The following MSRA variants were observed in gnomAD, a reference collection of about 807,000 sequenced individuals.
MSRA encodes the protein mitochondrial peptide methionine sulfoxide reductase.
Under a neutral mutation model 31.3 loss-of-function variants are expected in MSRA, and 54 were observed. That is an observed-to-expected ratio of 1.73 (90% confidence interval 1.39 to 2.17). The LOEUF is 2.17. Among genes scored for constraint, MSRA ranks in the 30% most tolerant of loss-of-function variants. MSRA has a pLI of 0.00. For missense variants in MSRA, 507 were observed against 300.9 expected (o/e 1.69, Z -5.07); for synonymous variants, 169 against 116.5 (o/e 1.45, Z -2.90).
chr8:10,077,061 A>AAC (rs59336109), intron 1 of MSRA, among the ~76,000 whole-genome samples: 1 of 151,302 alleles, frequency 6.6e-6, no homozygotes, highest in African/African-American at 2.4e-5. Context: ...AAAAAAAAAA[A>AAC]GAGCAGAGGA....
At chr8:10,106,891 C>T (rs933390721) in intron 1 of MSRA, among the ~76,000 whole-genome samples, 3 of 151,906 alleles carry the variant, frequency 2.0e-5, no homozygotes, top group African/African-American at 4.8e-5. Flanking sequence ...TCCCTCCACC[C>T]GCCTACCCCT....
chr8:10,116,748 A>C (rs1255555631), intron 1 of MSRA, among the ~76,000 whole-genome samples: 1 of 152,064 alleles, frequency 6.6e-6, no homozygotes, highest in African/African-American at 2.4e-5. Context: ...CAGGCGGATC[A>C]CCTGAGGTTG....
chr8:10,262,197 G>A (rs1798519781), intron 3 of MSRA, among the ~76,000 whole-genome samples: 1 of 152,202 alleles, frequency 6.6e-6, no homozygotes, highest in South Asian at 2.1e-4. Flanking sequence ...TTTGTGTACA[G>A]GTTTTTATGT....
At chr8:10,076,027 C>T (rs1585095381) in intron 1 of MSRA, among the ~76,000 whole-genome samples, 1 of 152,222 alleles carries the variant, frequency 6.6e-6, no homozygotes. Context: ...GGCATGTTGG[C>T]TTGGTGGAAA....
intron 5 of MSRA, among the ~76,000 whole-genome samples, chr8:10,377,332 G>A (rs368023537): frequency 5.3e-5 from 8 of 152,250 alleles, no homozygotes; most frequent in East Asian, 3.8e-4. Flanking sequence ...ATCTACGTGG[G>A]ACTTCTGATT....
At chr8:10,055,627 C>T (rs570387913) in intron 1 of MSRA, among the ~76,000 whole-genome samples, 72 of 152,364 alleles carry the variant, frequency 4.7e-4, no homozygotes, top group African/African-American at 1.6e-3. Flanking sequence ...GCTTGTAAAC[C>T]ACTGCCTTAG....
intron 1 of MSRA, among the ~76,000 whole-genome samples, chr8:10,167,988 A>G (rs1053498648): frequency 6.6e-6 from 1 of 152,158 alleles, no homozygotes; most frequent in Non-Finnish European, 1.5e-5. Flanking sequence ...TGGGCATGGC[A>G]CTTCTTGACT....
At chr8:10,413,770 A>G (rs1808299263) in intron 5 of MSRA, among the ~76,000 whole-genome samples, 3 of 152,204 alleles carry the variant, frequency 2.0e-5, no homozygotes, top group Non-Finnish European at 2.9e-5. Context: ...AAGATAAGTC[A>G]ATTGATATTA....
intron 1 of MSRA, among the ~76,000 whole-genome samples, chr8:10,154,536 C>A (rs1022675714): frequency 2.0e-5 from 3 of 152,032 alleles, no homozygotes; most frequent in Non-Finnish European, 4.4e-5. Flanking sequence ...CGCCACCACG[C>A]CCAACTAATT....
At chr8:10,318,109 TC>T (rs1394132981) in intron 4 of MSRA, among the ~76,000 whole-genome samples, 8 of 152,202 alleles carry the variant, frequency 5.3e-5, no homozygotes, top group Non-Finnish European at 1.0e-4. Flanking sequence ...TGTTCCATTG[TC>T]CTCGATTATT....
At chr8:10,251,376 C>T (rs1585277016) in intron 3 of MSRA, among the ~76,000 whole-genome samples, 1 of 152,188 alleles carries the variant, frequency 6.6e-6, no homozygotes, top group East Asian at 1.9e-4. Context: ...TTGAAGACTG[C>T]ATTAAATCTC....
chr8:10,353,707 T>A (rs1392772135), intron 5 of MSRA: 4 of 454,364 alleles, frequency 8.8e-6, no homozygotes, highest in African/African-American at 8.0e-5. Context: ...TCTGTCCCTG[T>A]ACCTGCCCAC....
chr8:10,206,202 G>T (rs1195775287), intron 1 of MSRA, among the ~76,000 whole-genome samples: 1 of 152,202 alleles, frequency 6.6e-6, no homozygotes, highest in African/African-American at 2.4e-5. Flanking sequence ...TCTCCACACG[G>T]AAGCTCAGCA....
intron 5 of MSRA, among the ~76,000 whole-genome samples, chr8:10,346,588 G>A (rs1357633029): frequency 3.9e-5 from 6 of 152,344 alleles, no homozygotes; most frequent in East Asian, 1.9e-4. Context: ...AAAGGCAAGC[G>A]GAAGAGAGAA....
chr8:10,117,314 G>A (rs17689007), intron 1 of MSRA, among the ~76,000 whole-genome samples: 60,368 of 152,016 alleles, frequency 0.4, 12,772 homozygotes, highest in Middle Eastern at 0.53. Context: ...GAAAAGAATC[G>A]TGAAGGGAAA....
intron 1 of MSRA, among the ~76,000 whole-genome samples, chr8:10,072,300 G>A (rs1216865027): frequency 8.3e-5 from 5 of 60,208 alleles, no homozygotes; most frequent in Admixed American, 5.2e-4. Context: ...ACTCCCTTTC[G>A]CAACATTTTT....
chr8:10,056,441 G>A (rs1444591178), intron 1 of MSRA, among the ~76,000 whole-genome samples: 1 of 151,706 alleles, frequency 6.6e-6, no homozygotes, highest in Non-Finnish European at 1.5e-5. Context: ...CTCAGGACCT[G>A]GTTCTTTTCC....
chr8:10,328,875 T>A (rs189096335), intron 5 of MSRA, among the ~76,000 whole-genome samples: 1 of 152,310 alleles, frequency 6.6e-6, no homozygotes, highest in African/African-American at 2.4e-5. Flanking sequence ...CTTCTTTGTA[T>A]TTCAAAGTTG....
At chr8:10,392,731 G>C (rs530322312) in intron 5 of MSRA, among the ~76,000 whole-genome samples, 2 of 148,676 alleles carry the variant, frequency 1.3e-5, no homozygotes, top group South Asian at 4.3e-4. Context: ...TTAGCTGATC[G>C]CTAAGGTGCA....
Sources: allele counts gnomAD v4.1 joint callset (sites outside exome capture counted in the v4.1 genomes callset), GRCh38; gene constraint gnomAD v4.1.1; transcripts MANE v1.5; gene names NCBI Gene and HGNC (gene_info 2026-07-23, HGNC 2026-07-21).